The following ABLIM1 variants were observed in gnomAD, a reference collection of about 807,000 sequenced individuals.
The protein encoded by ABLIM1 is actin-binding LIM protein 1.
Under a neutral mutation model 107.0 loss-of-function variants are expected in ABLIM1, and 40 were observed. The ratio of observed to expected loss-of-function variants is 0.37; its 90% CI spans 0.29 to 0.49. ABLIM1 has a LOEUF of 0.49. Among genes scored for constraint, ABLIM1 ranks in the 20% least tolerant of loss-of-function variants. ABLIM1 has a pLI of 0.97. For synonymous variants in ABLIM1, 357 were observed against 357.3 expected (o/e 1.00, Z 0.01); for missense variants, 857 against 1,008.5 (o/e 0.85, Z 2.04).
intron 6 of ABLIM1, among the ~76,000 whole-genome samples, chr10:114,541,344 A>C (rs1468788058): frequency 1.3e-5 from 2 of 152,148 alleles, no homozygotes; most frequent in African/African-American, 2.4e-5. Context: ...AAACTAATAC[A>C]TTTGTAAAGG....
chr10:114,708,425 C>T (rs1453650711), intron 1 of ABLIM1, among the ~76,000 whole-genome samples: 1 of 152,112 alleles, frequency 6.6e-6, no homozygotes, highest in Admixed American at 6.5e-5. Context: ...TGGCAAGGAG[C>T]ATGGAGGAAG....
intron 4 of ABLIM1, among the ~76,000 whole-genome samples, chr10:114,564,477 T>C (rs2070353786): frequency 6.6e-6 from 1 of 151,948 alleles, no homozygotes; most frequent in Non-Finnish European, 1.5e-5. Flanking sequence ...TTCACCATAT[T>C]GGCCAGGCTG....
At chr10:114,781,296 G>GA in the ABLIM1 span, among the ~76,000 whole-genome samples, 1 of 151,978 alleles carries the variant, frequency 6.6e-6, no homozygotes, top group East Asian at 1.9e-4. Flanking sequence ...TTAAGCTCAG[G>GA]ACTTAAAGAC....
the ABLIM1 span, among the ~76,000 whole-genome samples, chr10:114,787,850 C>T: frequency 6.8e-6 from 1 of 147,864 alleles, no homozygotes; most frequent in African/African-American, 2.5e-5. Context: ...TCATTGAGAA[C>T]GGGCCATGAT....
rs546679327 is a variant in ABLIM1 at position 114,738,310 on chromosome 10, A to G, written c.-213+29751T>C. The stretch of plus-strand genomic sequence containing the variant: ...AGTGATCCACCCACCTTGGCCTCCC[A>G]AAGTGCTGGAATTACAGGTGTGAGC... On this transcript the variant is annotated intron_variant, in intron 1 of 15. Transcript: ENST00000651092. 3.9e-5 allele frequency among the ~76,000 whole-genome samples: 6 copies of G among 152,314 alleles called. No individual in the cohort carries two copies. In the East Asian group the frequency reaches 1.2e-3, roughly 29 times the overall value.
intron 1 of ABLIM1, among the ~76,000 whole-genome samples, chr10:114,716,409 A>AC (rs2141995702): frequency 8.6e-6 from 1 of 116,476 alleles, no homozygotes; most frequent in African/African-American, 3.4e-5. Flanking sequence ...TGGTAGAGAG[A>AC]AACACACACA....
At chr10:114,531,752 G>A (rs1023338597) in intron 6 of ABLIM1, among the ~76,000 whole-genome samples, 19 of 151,978 alleles carry the variant, frequency 1.3e-4, no homozygotes, top group Non-Finnish European at 2.5e-4. Context: ...TCCTGACCTC[G>A]TGATCTGCCT....
intron 1 of ABLIM1, among the ~76,000 whole-genome samples, chr10:114,708,230 G>C (rs1034879661): frequency 1.3e-5 from 2 of 152,156 alleles, no homozygotes; most frequent in Non-Finnish European, 2.9e-5. Flanking sequence ...GAAACAAAAC[G>C]ACCTCAACAG....
intron 7 of ABLIM1, among the ~76,000 whole-genome samples, chr10:114,488,996 T>C (rs2058565129): frequency 1.3e-5 from 2 of 152,172 alleles, no homozygotes; most frequent in African/African-American, 4.8e-5. Context: ...AGTTTCCACA[T>C]TTCATGACTT....
intron 6 of ABLIM1, among the ~76,000 whole-genome samples, chr10:114,498,949 G>A (rs2060037439): frequency 1.3e-5 from 2 of 152,204 alleles, no homozygotes; most frequent in African/African-American, 4.8e-5. Flanking sequence ...GTAAGGCTTT[G>A]TATCAAGACT....
chr10:114,575,229 C>A (rs1057093637), intron 3 of ABLIM1, among the ~76,000 whole-genome samples, 187 bp downstream of exon 3: 1 of 152,164 alleles, frequency 6.6e-6, no homozygotes. Context: ...TTGTAGAGGA[C>A]ATCACACATA....
At position 114,465,774 on chromosome 10, in the gene ABLIM1, G is replaced by A; in HGVS notation, c.1365C>T (p.Ser455=). 1.2e-6 allele frequency: 2 copies of A among 1,614,114 alleles called. No homozygotes were observed. The highest frequency in any genetic ancestry group is 1.7e-6 in the Non-Finnish European group (2 of 1,180,000). The change falls in exon 12 of 23, where the codon TCC becomes TCT. Residue 455 remains serine (S), a synonymous_variant. Transcript: ENST00000533213. ...GGCGGCTGTACACAGGGGAGTTGATGGAGCCCTGGCTCGTGGACCGATGGA... is the reference window on the plus strand; with the variant it reads ...GGCGGCTGTACACAGGGGAGTTGATAGAGCCCTGGCTCGTGGACCGATGGA... The part of the protein sequence containing the change: ...RMIHRSTSQG[S]INSPVYSRHS...
intron 8 of ABLIM1, among the ~76,000 whole-genome samples, chr10:114,482,139 T>C (rs940337273): frequency 2.0e-5 from 3 of 152,240 alleles, no homozygotes; most frequent in Admixed American, 6.5e-5. Flanking sequence ...GAATACCATG[T>C]GCTTTGTGTA....
intron 6 of ABLIM1, among the ~76,000 whole-genome samples, chr10:114,543,490 A>G (rs997173618): frequency 1.3e-5 from 2 of 152,200 alleles, no homozygotes; most frequent in Admixed American, 6.5e-5. Context: ...AGGCTGGATA[A>G]TATTCCACTA....
At chr10:114,644,307 A>ATATATATATATG (rs2078904209) in intron 1 of ABLIM1, among the ~76,000 whole-genome samples, 1 of 33,522 alleles carries the variant, frequency 3.0e-5, no homozygotes, top group Non-Finnish European at 5.9e-5. Flanking sequence ...AAAAAAAAAA[A>ATATATATATATG]TATATATATA....
At chr10:114,555,755 T>C (rs1468943868) in intron 4 of ABLIM1, among the ~76,000 whole-genome samples, 1 of 152,044 alleles carries the variant, frequency 6.6e-6, no homozygotes, top group African/African-American at 2.4e-5. Context: ...AATTTTTAAA[T>C]AAAACATTTA....
At chr10:114,571,502 T>G (rs1430772101) in intron 3 of ABLIM1, 96 bp from the exon 4 acceptor site, 1 of 1,218,012 alleles carries the variant, frequency 8.2e-7, no homozygotes, top group Non-Finnish European at 1.2e-6. Context: ...CCCATTTATT[T>G]CTTGGAGAAG....
At chr10:114,556,403 C>T (rs991743980) in intron 4 of ABLIM1, among the ~76,000 whole-genome samples, 3 of 152,304 alleles carry the variant, frequency 2.0e-5, no homozygotes, top group Admixed American at 6.5e-5. Flanking sequence ...TCACTTTATA[C>T]GGGACAGATA....
intron 1 of ABLIM1, among the ~76,000 whole-genome samples, chr10:114,669,880 A>T (rs2080178739): frequency 6.6e-6 from 1 of 152,062 alleles, no homozygotes. Context: ...GGCTTGGCAC[A>T]ATTAATTTTT....
Sources: gnomAD v4.1 joint callset for allele counts (sites outside exome capture counted in the v4.1 genomes callset) on GRCh38, gnomAD v4.1.1 for gene constraint, MANE v1.5 for transcripts, NCBI Gene and HGNC (gene_info 2026-07-23, HGNC 2026-07-21) for gene names.